Variants in P4HA1 observed in about 807,000 individuals in gnomAD.
P4HA1 encodes the protein prolyl 4-hydroxylase subunit alpha 1, also known as prolyl 4-hydroxylase subunit alpha-1.
Under a neutral mutation model 72.8 loss-of-function variants are expected in P4HA1, and 24 were observed. The observed-to-expected ratio is 0.33, with a 90% CI of 0.24 to 0.46. The LOEUF is 0.46. Among genes scored for constraint, P4HA1 ranks in the 20% least tolerant of loss-of-function variants. P4HA1 has a pLI of 1.00. For missense variants in P4HA1, 446 were observed against 640.6 expected (o/e 0.70, Z 3.28); for synonymous variants, 201 against 218.8 (o/e 0.92, Z 0.72).
intron 1 of P4HA1, among the ~76,000 whole-genome samples, chr10:73,084,281 C>T (rs926728726): frequency 6.6e-6 from 1 of 152,186 alleles, no homozygotes; most frequent in African/African-American, 2.4e-5. Context: ...CAGAAGTTTT[C>T]ATGAAACTTC....
chr10:73,041,841 C>CT (rs771879587), intron 9 of P4HA1, among the ~76,000 whole-genome samples: 123 of 145,764 alleles, frequency 8.4e-4, no homozygotes, highest in East Asian at 5.2e-3. Flanking sequence ...TTTCTTTTCT[C>CT]TTTTTTTTTT....
At chr10:73,033,805 T>C (rs1840496971) in intron 9 of P4HA1, among the ~76,000 whole-genome samples, 1 of 152,196 alleles carries the variant, frequency 6.6e-6, no homozygotes, top group African/African-American at 2.4e-5. Context: ...AGCAAATCTT[T>C]GTGACGTTGG....
intron 4 of P4HA1, among the ~76,000 whole-genome samples, chr10:73,070,140 G>A (rs569984607): frequency 3.3e-5 from 4 of 119,794 alleles, no homozygotes; most frequent in Non-Finnish European, 5.0e-5. Flanking sequence ...AAGAGACCAG[G>A]CCTTTTTTTT....
intron 9 of P4HA1, among the ~76,000 whole-genome samples, chr10:73,037,546 T>C (rs1840610816): frequency 3.7e-5 from 1 of 27,276 alleles, no homozygotes; most frequent in African/African-American, 1.5e-4. Flanking sequence ...TATATATATA[T>C]ATATATATAT....
At chr10:73,053,646 T>G in intron 5 of P4HA1, 56 bp from the exon 6 acceptor site, 1 of 1,471,900 alleles carries the variant, frequency 6.8e-7, no homozygotes, top group Non-Finnish European at 9.4e-7. Context: ...GTGTATTTAT[T>G]TAGGACTACA....
chr10:73,058,332 CCTG>C (rs1159270069), intron 5 of P4HA1, among the ~76,000 whole-genome samples: 5 of 152,230 alleles, frequency 3.3e-5, no homozygotes, highest in African/African-American at 4.8e-5. Context: ...CCCACGAATG[CCTG>C]CTGATTTCTA....
chr10:73,092,931 C>G (rs1282539511), intron 1 of P4HA1, among the ~76,000 whole-genome samples: 1 of 151,622 alleles, frequency 6.6e-6, no homozygotes, highest in East Asian at 1.9e-4. Context: ...CTAGCCTGGT[C>G]AACAGAGCAA....
chr10:73,092,047 T>C (rs1488448529), intron 1 of P4HA1, among the ~76,000 whole-genome samples: 2 of 152,224 alleles, frequency 1.3e-5, no homozygotes, highest in South Asian at 2.1e-4. Flanking sequence ...TACCTCTTTC[T>C]AGTCTTCAAT....
Position 73,008,130 on chromosome 10 carries a change from G to A in P4HA1, c.*92C>T, listed in dbSNP as rs1839833066. 1 of 737,206 alleles carries A rather than the reference G, an allele frequency of 1.4e-6. No homozygotes were observed. The highest frequency in any genetic ancestry group is 1.8e-5 in the South Asian group (1 of 57,012). The allele number at this position is 737,206 out of a possible 1,614,324, so 45.7% of individuals were successfully genotyped here. On this transcript the variant is annotated 3_prime_UTR_variant, in exon 15 of 15. Transcript: ENST00000394890. ...TGACTGAATCAATCATGGAGTGTTAGTCAATTGTAAACTCCTGAAAGTTAA... is the reference window on the plus strand; with the variant it reads ...TGACTGAATCAATCATGGAGTGTTAATCAATTGTAAACTCCTGAAAGTTAA...
At chr10:73,023,735 C>T (rs1289058394) in intron 10 of P4HA1, among the ~76,000 whole-genome samples, 2 of 149,526 alleles carry the variant, frequency 1.3e-5, no homozygotes, top group Admixed American at 1.3e-4. Context: ...CATCAGGAGA[C>T]ACATCTCATG....
chr10:73,084,455 G>C (rs995641670), intron 1 of P4HA1, among the ~76,000 whole-genome samples: 1 of 151,972 alleles, frequency 6.6e-6, no homozygotes, highest in Non-Finnish European at 1.5e-5. Context: ...CACCACGACC[G>C]GCCAATTTTT....
Position 73,028,307 on chromosome 10 carries a change from A to AACACACACAC in P4HA1, c.1248+1954_1248+1963dup, listed in dbSNP as rs10561551. On this transcript the variant is annotated intron_variant, in intron 10 of 14. Transcript: ENST00000394890. The stretch of plus-strand genomic sequence containing the variant: ...ATGGCATCAAACCGTGTCACTGTAA[A>AACACACACAC]ACACACACACACACACACACACACA... Among the ~76,000 whole-genome samples the AACACACACAC allele has an allele frequency of 6.3e-3, 908 of 143,736 alleles. 4 individuals carry two copies. The highest frequency in any genetic ancestry group is 0.015 in the African/African-American group (569 of 39,194). The allele number at this position is 143,736 out of a possible 152,430, so 94.3% of individuals were successfully genotyped here. A position where few individuals can be genotyped will look rare whatever the true frequency, so the allele number is the denominator to read the frequency against.
intron 1 of P4HA1, among the ~76,000 whole-genome samples, chr10:73,083,753 T>G (rs372605406): frequency 2.0e-5 from 3 of 152,186 alleles, no homozygotes; most frequent in East Asian, 1.9e-4. Flanking sequence ...ATGCCTGAAC[T>G]ACATAAAGTT....
chr10:73,078,082 A>C (rs896341399), intron 1 of P4HA1, among the ~76,000 whole-genome samples: 15 of 151,510 alleles, frequency 9.9e-5, no homozygotes, highest in African/African-American at 3.4e-4. Context: ...AAAAAAAAAA[A>C]AAAAACCTTT....
chr10:73,033,091 G>C (rs1840477566), intron 9 of P4HA1, among the ~76,000 whole-genome samples: 2 of 152,138 alleles, frequency 1.3e-5, no homozygotes, highest in Non-Finnish European at 1.5e-5. Flanking sequence ...GTTCCTGGTA[G>C]AACTAATCTG....
intron 1 of P4HA1, chr10:73,082,556 T>C (rs1285319712): frequency 2.0e-5 from 3 of 152,224 alleles, no homozygotes; most frequent in Admixed American, 6.5e-5. Flanking sequence ...TAACTCATTG[T>C]GATCAATTAG....
chr10:73,034,446 T>C (rs1299494096), intron 9 of P4HA1, among the ~76,000 whole-genome samples: 1 of 152,082 alleles, frequency 6.6e-6, no homozygotes, highest in African/African-American at 2.4e-5. Context: ...ACAACTCCCA[T>C]CTCTCCCTCC....
intron 10 of P4HA1, among the ~76,000 whole-genome samples, chr10:73,027,192 C>G (rs1840294157): frequency 1.3e-5 from 2 of 152,132 alleles, no homozygotes; most frequent in Non-Finnish European, 2.9e-5. Flanking sequence ...AGACTTGGAA[C>G]CAACCCAAAT....
chr10:73,087,857 G>A (rs1841955348), intron 1 of P4HA1, among the ~76,000 whole-genome samples: 1 of 152,100 alleles, frequency 6.6e-6, no homozygotes, highest in African/African-American at 2.4e-5. Flanking sequence ...CCCAGTCTGT[G>A]AAGTCTTTTT....
Sources: allele counts gnomAD v4.1 joint callset (sites outside exome capture counted in the v4.1 genomes callset), GRCh38; gene constraint gnomAD v4.1.1; transcripts MANE v1.5; gene names NCBI Gene and HGNC (gene_info 2026-07-23, HGNC 2026-07-21).